MARCHF3: variants seen among roughly 807,000 people sequenced by gnomAD.
MARCHF3 encodes E3 ubiquitin-protein ligase MARCHF3.
Under a neutral mutation model 24.2 loss-of-function variants are expected in MARCHF3, and 13 were observed. That is an observed-to-expected ratio of 0.54 (90% CI 0.35 to 0.85). The LOEUF is 0.85. Ranked by LOEUF, MARCHF3 falls within the 40% of genes least tolerant of loss-of-function variation. The pLI is 0.01. For synonymous variants in MARCHF3, 144 were observed against 137.3 expected, an observed-to-expected ratio of 1.05 and a Z score of -0.34; for missense variants, 276 against 325.0, an observed-to-expected ratio of 0.85 and a Z score of 1.16.
intron 1 of MARCHF3, among the ~76,000 whole-genome samples, chr5:126,989,843 G>T: frequency 6.6e-6 from 1 of 152,060 alleles, no homozygotes; most frequent in Non-Finnish European, 1.5e-5. Context: ...ATGAAATCTG[G>T]CTGGGTGCAG....
chr5:126,947,578 G>T (rs1192664691), intron 1 of MARCHF3, among the ~76,000 whole-genome samples: 1 of 152,166 alleles, frequency 6.6e-6, no homozygotes, highest in South Asian at 2.1e-4. Flanking sequence ...AATTGCAACA[G>T]ATGTACCCTC....
intron 3 of MARCHF3, among the ~76,000 whole-genome samples, chr5:126,905,301 CT>C (rs1310994152): frequency 7.1e-6 from 1 of 141,276 alleles, no homozygotes; most frequent in Non-Finnish European, 1.5e-5. Context: ...GATGTGGGCT[CT>C]TTTTTGGTTC....
chr5:127,020,768 T>C (rs909631698), intron 1 of MARCHF3, among the ~76,000 whole-genome samples: 2 of 152,048 alleles, frequency 1.3e-5, no homozygotes, highest in Admixed American at 6.6e-5. Context: ...GGAGAACTGC[T>C]TGAGCTCGGG....
At chr5:126,946,759 G>GGGGTGTGTGTGTGT in intron 1 of MARCHF3, among the ~76,000 whole-genome samples, 1 of 66,374 alleles carries the variant, frequency 1.5e-5, no homozygotes, top group African/African-American at 6.1e-5. Flanking sequence ...CGTGTAAGTA[G>GGGGTGTGTGTGTGT]GGGTGTGTGT....
intron 1 of MARCHF3, among the ~76,000 whole-genome samples, chr5:126,924,694 T>G (rs1056076138): frequency 6.6e-6 from 1 of 152,160 alleles, no homozygotes; most frequent in African/African-American, 2.4e-5. Flanking sequence ...ACCATTAACA[T>G]GGAAAAACGG....
chr5:126,993,190 T>G (rs1300190982), intron 1 of MARCHF3, among the ~76,000 whole-genome samples: 1 of 152,200 alleles, frequency 6.6e-6, no homozygotes, highest in South Asian at 2.1e-4. Flanking sequence ...AGGTGCTGAC[T>G]ACAGCAACAG....
At chr5:126,890,565 A>C (rs1296712864) in intron 3 of MARCHF3, among the ~76,000 whole-genome samples, 1 of 151,408 alleles carries the variant, frequency 6.6e-6, no homozygotes, top group Non-Finnish European at 1.5e-5. Context: ...GCGATAGTTT[A>C]CTGAGAATGA....
chr5:126,896,785 C>G (rs1753934950), intron 3 of MARCHF3, among the ~76,000 whole-genome samples: 2 of 152,026 alleles, frequency 1.3e-5, no homozygotes, highest in Admixed American at 1.3e-4. Context: ...AGAAAAATCT[C>G]TGTTTTATAG....
In MARCHF3 at chr5:126,918,027, C is replaced by A. The variant is rs777979337; in HGVS notation, c.145G>T (p.Gly49Trp). 1 of 1,614,080 alleles carries A rather than the reference C, an allele frequency of 6.2e-7. No homozygotes were observed. The highest frequency in any genetic ancestry group is 8.5e-7 in the Non-Finnish European group (1 of 1,180,020). The change falls in exon 2 of 5, where the codon GGG becomes TGG. Residue 49 changes from glycine to tryptophan, a missense_variant. By Grantham distance (184) the Gly-to-Trp change is radical. Coordinates refer to ENST00000308660, the MANE Select transcript of MARCHF3 (RefSeq NM_178450.5). Reference sequence around the variant, plus strand: ...CGCACTACTGTTGACAGCAGCTGCCCGTCCTTGGCTGAAACTTGCATGACA... The same window carrying A: ...CGCACTACTGTTGACAGCAGCTGCCAGTCCTTGGCTGAAACTTGCATGACA... ...QYVMQVSAKD[G>W]QLLSTVVRTL...
At chr5:126,894,805 G>A (rs1298098706) in intron 3 of MARCHF3, among the ~76,000 whole-genome samples, 3 of 151,824 alleles carry the variant, frequency 2.0e-5, no homozygotes, top group Admixed American at 1.3e-4. Flanking sequence ...TGCTCTTCTC[G>A]AGGAGTATCT....
intron 3 of MARCHF3, among the ~76,000 whole-genome samples, chr5:126,894,946 C>T (rs1291945616): frequency 6.6e-6 from 1 of 152,034 alleles, no homozygotes; most frequent in Non-Finnish European, 1.5e-5. Flanking sequence ...TTCAGGTACA[C>T]CAATCAGATG....
rs755354854 is a variant in MARCHF3 at position 126,918,006 on chromosome 5, C to T, written c.166G>A (p.Val56Met). The T allele has an allele frequency of 3.7e-6, 6 of 1,614,114 alleles. No homozygotes were observed. The South Asian group carries it at 6.6e-5, about 18-fold the overall frequency. The change falls in exon 2 of 5, where the codon GTG becomes ATG. Residue 56 changes from valine to methionine, a missense_variant. Coordinates refer to ENST00000308660, the MANE Select transcript of MARCHF3 (RefSeq NM_178450.5). ...AKDGQLLSTV[V>M]RTLATQSPFN... ...TACCTCTGGGTGGCAAGAGTCCGCA[C>T]TACTGTTGACAGCAGCTGCCCGTCC...
chr5:126,892,970 T>A (rs950824453), intron 3 of MARCHF3, among the ~76,000 whole-genome samples: 1 of 151,846 alleles, frequency 6.6e-6, no homozygotes, highest in Non-Finnish European at 1.5e-5. Flanking sequence ...TTTCAGATCC[T>A]GTTATTGGTC....
chr5:126,960,534 T>A (rs552576828), intron 1 of MARCHF3, among the ~76,000 whole-genome samples: 1 of 149,922 alleles, frequency 6.7e-6, no homozygotes, highest in East Asian at 2.0e-4. Flanking sequence ...AAAACTTTTC[T>A]TTTTAATTTT....
intron 1 of MARCHF3, among the ~76,000 whole-genome samples, chr5:126,922,227 T>C (rs1285012601): frequency 1.3e-5 from 2 of 152,144 alleles, no homozygotes; most frequent in Admixed American, 6.5e-5. Flanking sequence ...AAAAGCTCTG[T>C]TGTTGGAGGC....
At chr5:127,008,041 A>G (rs1053791291) in intron 1 of MARCHF3, among the ~76,000 whole-genome samples, 3 of 152,290 alleles carry the variant, frequency 2.0e-5, no homozygotes, top group South Asian at 2.1e-4. Flanking sequence ...ATGGCCTTCT[A>G]GTCTAAAGAA....
At chr5:127,010,661 AAG>A (rs1164658473) in intron 1 of MARCHF3, among the ~76,000 whole-genome samples, 1 of 152,218 alleles carries the variant, frequency 6.6e-6, no homozygotes, top group African/African-American at 2.4e-5. Flanking sequence ...CTCTGTATTT[AAG>A]CTGGAGATGG....
In MARCHF3 at chr5:126,889,280, G is replaced by A. The variant is rs148062364; in HGVS notation, c.394-10886C>T. 8.9e-4 allele frequency among the ~76,000 whole-genome samples: 135 copies of A among 152,046 alleles called. 1 individual carries two copies. The highest frequency in any genetic ancestry group is 3.2e-3 in the African/African-American group (133 of 41,478). Reference sequence around the variant, plus strand: ...TGTACCAGGACAGTGTACCAAATAAGAGCCCCCACTGGAGCACCAGACAAA... The same window carrying A: ...TGTACCAGGACAGTGTACCAAATAAAAGCCCCCACTGGAGCACCAGACAAA... On this transcript the variant is annotated intron_variant, in intron 3 of 4. Coordinates refer to ENST00000308660, the MANE Select transcript of MARCHF3 (RefSeq NM_178450.5).
chr5:126,890,254 C>A (rs1355180132), intron 3 of MARCHF3, among the ~76,000 whole-genome samples: 1 of 151,298 alleles, frequency 6.6e-6, no homozygotes, highest in Non-Finnish European at 1.5e-5. Context: ...TCAGAAAAGA[C>A]ATACTTTTTT....
Sources: gnomAD v4.1 joint callset for allele counts (sites outside exome capture counted in the v4.1 genomes callset) on GRCh38, gnomAD v4.1.1 for gene constraint, MANE v1.5 for transcripts, NCBI Gene and HGNC (gene_info 2026-07-23, HGNC 2026-07-21) for gene names.